The following DCP1A variants were observed in gnomAD, a reference collection of about 807,000 sequenced individuals.
DCP1A encodes the protein decapping mRNA 1A.
In DCP1A, 20 loss-of-function variants were observed where a neutral mutation model predicts 58.0. The observed-to-expected ratio is 0.34, with a 90% CI of 0.24 to 0.50. The LOEUF (loss-of-function observed/expected upper bound fraction) is 0.50, where lower values mean the gene tolerates loss of function less well. Among genes scored for constraint, DCP1A ranks in the 20% least tolerant of loss-of-function variants. The pLI is 0.98. For synonymous variants in DCP1A, 285 were observed against 275.1 expected (o/e 1.04, Z -0.36); for missense variants, 613 against 712.2 (o/e 0.86, Z 1.59).
chr3:53,294,459 G>C (rs1363122292), intron 6 of DCP1A, among the ~76,000 whole-genome samples: 2 of 152,142 alleles, frequency 1.3e-5, no homozygotes, highest in African/African-American at 4.8e-5. Context: ...TAGGGAGAGG[G>C]GGAAGCTGAA....
At chr3:53,331,967 T>C (rs529893168) in intron 3 of DCP1A, among the ~76,000 whole-genome samples, 5 of 152,326 alleles carry the variant, frequency 3.3e-5, no homozygotes, top group Admixed American at 6.5e-5. Context: ...TTGACATTAA[T>C]TGCAAAAACC....
chr3:53,338,449 C>T lies in DCP1A; in HGVS notation c.304+3695G>A, dbSNP rs566043599. On this transcript the variant is annotated intron_variant, in intron 3 of 9. Transcript: ENST00000610213. ...CAACCACCACCACCACCACCACTAC[C>T]CCACAAAGATTTAAGAGAATCACCA... 3.3e-5 allele frequency among the ~76,000 whole-genome samples: 5 copies of T among 151,712 alleles called. No homozygotes were observed. The East Asian group carries it at 9.7e-4, about 29-fold the overall frequency.
Position 53,287,338 on chromosome 3 carries a change from CTCTCT to C in DCP1A, c.*237_*241del, listed in dbSNP as rs1553685227. On this transcript the variant is annotated 3_prime_UTR_variant, in exon 10 of 10. Transcript: ENST00000610213. Reference sequence around the variant, plus strand: ...CCCACATAACTTAACACAATGATCGCTCTCTTTTTTTTTTTTTTTTTTTTTTTTTT... The same window carrying C: ...CCCACATAACTTAACACAATGATCGCTTTTTTTTTTTTTTTTTTTTTTTTT... 2 of 386,104 alleles carry C rather than the reference CTCTCT, an allele frequency of 5.2e-6. No individual in the cohort carries two copies. Among genetic ancestry groups the C allele is most frequent in the Non-Finnish European group, 9.1e-6 (2 of 220,598 alleles). 23.9% of individuals were successfully genotyped at this position (386,104 alleles called of 1,614,324 possible).
rs149382319 is a variant in DCP1A, at chr3:53,302,715, C to T, written c.624+1462G>A. Among the ~76,000 whole-genome samples the T allele has an allele frequency of 4.6e-3, 703 of 152,006 alleles. 6 individuals are homozygous for T. Among genetic ancestry groups the T allele is most frequent in the African/African-American group, 0.015 (630 of 41,450 alleles). On this transcript the variant is annotated intron_variant, in intron 6 of 9. Coordinates refer to ENST00000610213, the MANE Select transcript of DCP1A (RefSeq NM_018403.7). Reference sequence around the variant, plus strand: ...ACGGCTCACTGCAACCTCCACCTCCCGGGTTCAAGCAATTTCTCCTACCTC... The same window carrying T: ...ACGGCTCACTGCAACCTCCACCTCCTGGGTTCAAGCAATTTCTCCTACCTC...
chr3:53,331,901 G>T (rs899831228), intron 3 of DCP1A, among the ~76,000 whole-genome samples: 1 of 152,246 alleles, frequency 6.6e-6, no homozygotes, highest in Non-Finnish European at 1.5e-5. Context: ...ATTACTCGGT[G>T]AGGTGTGCTG....
At chr3:53,330,501 AAC>A (rs2088968738) in intron 3 of DCP1A, among the ~76,000 whole-genome samples, 1 of 152,024 alleles carries the variant, frequency 6.6e-6, no homozygotes, top group Non-Finnish European at 1.5e-5. Context: ...TAGCCTGGGC[AAC>A]AGAGTGAGAC....
intron 7 of DCP1A, among the ~76,000 whole-genome samples, chr3:53,291,682 C>T (rs1353813357): frequency 6.6e-6 from 1 of 152,010 alleles, no homozygotes; most frequent in Non-Finnish European, 1.5e-5. Flanking sequence ...CTTTATTTGA[C>T]CTCATACCTT....
intron 3 of DCP1A, among the ~76,000 whole-genome samples, chr3:53,330,010 A>G (rs1380206451): frequency 2.6e-5 from 4 of 152,204 alleles, no homozygotes; most frequent in African/African-American, 9.6e-5. Flanking sequence ...TTTCCCAACA[A>G]TGGGTGAGTA....
intron 6 of DCP1A, among the ~76,000 whole-genome samples, chr3:53,294,779 G>T (rs529910122): frequency 6.6e-6 from 1 of 152,272 alleles, no homozygotes; most frequent in South Asian, 2.1e-4. Context: ...TCTGGTGGGA[G>T]GCTGAAATGT....
At chr3:53,318,643 G>T (rs1380120502) in intron 4 of DCP1A, among the ~76,000 whole-genome samples, 1 of 152,122 alleles carries the variant, frequency 6.6e-6, no homozygotes, top group Non-Finnish European at 1.5e-5. Flanking sequence ...GTCACACAAG[G>T]GCTGGCTTCT....
At chr3:53,305,307 A>G (rs1188457609) in intron 5 of DCP1A, among the ~76,000 whole-genome samples, 1 of 151,948 alleles carries the variant, frequency 6.6e-6, no homozygotes, top group African/African-American at 2.4e-5. Flanking sequence ...TGAATACAAC[A>G]TCTATAAACA....
intron 3 of DCP1A, among the ~76,000 whole-genome samples, chr3:53,337,496 T>C (rs1191025010): frequency 6.6e-6 from 1 of 152,188 alleles, no homozygotes; most frequent in Non-Finnish European, 1.5e-5. Flanking sequence ...TGATGGCCTT[T>C]TAAGATAAAT....
intron 5 of DCP1A, among the ~76,000 whole-genome samples, chr3:53,311,476 A>G (rs577156792): frequency 3.3e-5 from 5 of 152,296 alleles, no homozygotes; most frequent in South Asian, 2.1e-4. Flanking sequence ...TAAATTAACG[A>G]AAGTACCACA....
In DCP1A at chr3:53,325,605, T is replaced by C. The variant is rs549784914; in HGVS notation, c.305-6132A>G. Among the ~76,000 whole-genome samples the C allele has an allele frequency of 5.7e-4, 87 of 152,318 alleles. 1 individual carries two copies. Among genetic ancestry groups the C allele is most frequent in the African/African-American group, 2.0e-3 (83 of 41,572 alleles). ...TTTGGGTATAGACAAATACATTTTT[T>C]ATATAGAAAAATGGAATAGGTATAT... is the stretch of plus-strand genomic sequence containing the variant. On this transcript the variant is annotated intron_variant, in intron 3 of 9. Coordinates refer to ENST00000610213, the MANE Select transcript of DCP1A (RefSeq NM_018403.7).
intron 6 of DCP1A, among the ~76,000 whole-genome samples, chr3:53,294,161 T>C (rs1377770484): frequency 6.6e-6 from 1 of 152,208 alleles, no homozygotes; most frequent in Non-Finnish European, 1.5e-5. Flanking sequence ...GATCTGGACT[T>C]TATCCACAGG....
In DCP1A at chr3:53,283,949, C is replaced by T. The variant is rs1344692143; in HGVS notation, c.*3631G>A. On this transcript the variant is annotated 3_prime_UTR_variant, in exon 10 of 10. Coordinates refer to ENST00000610213, the MANE Select transcript of DCP1A (RefSeq NM_018403.7). ...GTCCACTCGGAAATGTTCTCAAGCACAGCTGTAAAAAAGCCTAGTGTAAGC... is the reference window on the plus strand; with the variant it reads ...GTCCACTCGGAAATGTTCTCAAGCATAGCTGTAAAAAAGCCTAGTGTAAGC... 6.6e-6 allele frequency: 1 copy of T among 152,190 alleles called. No individual in the cohort carries two copies. The highest frequency in any genetic ancestry group is 1.5e-5 in the Non-Finnish European group (1 of 68,044). The allele number at this position is 152,190 out of a possible 1,614,324, so 9.4% of individuals were successfully genotyped here.
intron 3 of DCP1A, among the ~76,000 whole-genome samples, chr3:53,325,232 G>A (rs1325526081): frequency 1.3e-5 from 2 of 152,158 alleles, no homozygotes; most frequent in Non-Finnish European, 2.9e-5. Flanking sequence ...AATTAATTTG[G>A]TATCTTCGTA....
chr3:53,297,102 AATG>A (rs782578962), intron 6 of DCP1A, among the ~76,000 whole-genome samples: 60 of 152,234 alleles, frequency 3.9e-4, no homozygotes, highest in Non-Finnish European at 6.3e-4. Context: ...GTTCCATTTT[AATG>A]ATATTAGCCA....
chr3:53,287,507 C>G lies in DCP1A; in HGVS notation c.*73G>C. On this transcript the variant is annotated 3_prime_UTR_variant, in exon 10 of 10. Transcript: ENST00000610213. Reference sequence around the variant, plus strand: ...CAGGATTCTCAAACTCAATGTTCTGCTCAGAAGTTTCCATGATGAAGCCTA... The same window carrying G: ...CAGGATTCTCAAACTCAATGTTCTGGTCAGAAGTTTCCATGATGAAGCCTA... 2 of 1,015,062 alleles carry G rather than the reference C, an allele frequency of 2.0e-6. No individual in the cohort carries two copies. The highest frequency in any genetic ancestry group is 2.6e-5 in the South Asian group (2 of 75,736). The allele number at this position is 1,015,062 out of a possible 1,614,324, so 62.9% of individuals were successfully genotyped here. A position where few individuals can be genotyped will look rare whatever the true frequency, so the allele number is the denominator to read the frequency against.
Sources: gnomAD v4.1 joint callset for allele counts (sites outside exome capture counted in the v4.1 genomes callset) on GRCh38, gnomAD v4.1.1 for gene constraint, MANE v1.5 for transcripts, NCBI Gene and HGNC (gene_info 2026-07-23, HGNC 2026-07-21) for gene names.